Variants in SPAG6 observed in about 807,000 individuals in gnomAD.
SPAG6 encodes the protein sperm associated antigen 6.
SPAG6 carries 49 observed loss-of-function variants against 58.5 expected under a neutral mutation model. The observed-to-expected ratio is 0.84, with a 90% confidence interval of 0.67 to 1.06. The LOEUF is 1.06. Among genes scored for constraint, SPAG6 ranks in the 50% least tolerant of loss-of-function variants. The pLI is 0.00. For missense variants in SPAG6, 560 were observed against 611.3 expected (o/e 0.92, Z 0.89); for synonymous variants, 233 against 225.6 (o/e 1.03, Z -0.29).
At chr10:22,415,159 T>C (rs1588571093) in intron 10 of SPAG6, among the ~76,000 whole-genome samples, 1 of 152,058 alleles carries the variant, frequency 6.6e-6, no homozygotes, top group South Asian at 2.1e-4. Flanking sequence ...GTAATAACAA[T>C]TATTATTAAT....
chr10:22,360,254 A>C (rs967312644), intron 2 of SPAG6, among the ~76,000 whole-genome samples: 2 of 150,434 alleles, frequency 1.3e-5, no homozygotes, highest in Non-Finnish European at 3.0e-5. Context: ...TGAATGAATG[A>C]CTGTGGACAG....
Position 22,373,299 on chromosome 10 carries a change from C to T in SPAG6, c.472+4621C>T, listed in dbSNP as rs189167385. 1.6e-4 allele frequency among the ~76,000 whole-genome samples: 24 copies of T among 151,982 alleles called. No individual in the cohort carries two copies. The East Asian group carries it at 4.1e-3, about 26-fold the overall frequency. On this transcript the variant is annotated intron_variant, in intron 4 of 10. Coordinates refer to ENST00000376624, the MANE Select transcript of SPAG6 (RefSeq NM_012443.4). ...AAGGTCTCAAGATGAGCTGGCAGCC[C>T]GATTGTTTTCTATCTTGTATTGAAT...
intron 3 of SPAG6, among the ~76,000 whole-genome samples, chr10:22,366,645 T>C (rs1430178345): frequency 3.3e-5 from 5 of 152,200 alleles, no homozygotes; most frequent in Non-Finnish European, 7.4e-5. Flanking sequence ...AGAGAGTCAC[T>C]TACTAATGCT....
In SPAG6 at chr10:22,377,870, A is replaced by T. The variant is rs112684987; in HGVS notation, c.473-8884A>T. On this transcript the variant is annotated intron_variant, in intron 4 of 10. Coordinates refer to ENST00000376624, the MANE Select transcript of SPAG6 (RefSeq NM_012443.4). ...CAGATTGTGCTCCTTGAAGACAGGG[A>T]CTTCTTACCTAGCACTGGGCTGGAG... 1.5e-3 allele frequency among the ~76,000 whole-genome samples: 227 copies of T among 152,258 alleles called. 4 individuals are homozygous for T. The highest frequency in any genetic ancestry group is 4.9e-3 in the African/African-American group (202 of 41,544).
chr10:22,399,017 C>T (rs1022618228), intron 8 of SPAG6, among the ~76,000 whole-genome samples: 1 of 152,084 alleles, frequency 6.6e-6, no homozygotes, highest in Non-Finnish European at 1.5e-5. Context: ...CAGGGTTTCA[C>T]CGTGTTGTCT....
chr10:22,414,404 A>G (rs1288155665), intron 10 of SPAG6, among the ~76,000 whole-genome samples: 1 of 152,198 alleles, frequency 6.6e-6, no homozygotes, highest in African/African-American at 2.4e-5. Context: ...CTAAGAGCTC[A>G]GGCTTAGGTG....
intron 10 of SPAG6, among the ~76,000 whole-genome samples, chr10:22,415,157 A>G (rs975633292): frequency 2.0e-5 from 3 of 151,990 alleles, no homozygotes; most frequent in African/African-American, 7.2e-5. Context: ...TGGTAATAAC[A>G]ATTATTATTA....
chr10:22,372,291 A>T (rs1392701426), intron 4 of SPAG6, among the ~76,000 whole-genome samples: 1 of 152,232 alleles, frequency 6.6e-6, no homozygotes, highest in Non-Finnish European at 1.5e-5. Context: ...AGTTTTGTAC[A>T]TGGATATATA....
chr10:22,363,531 C>A (rs1034737545), intron 2 of SPAG6, among the ~76,000 whole-genome samples: 1 of 152,100 alleles, frequency 6.6e-6, no homozygotes, highest in African/African-American at 2.4e-5. Flanking sequence ...AACTTAGGCA[C>A]GAAACTAATG....
intron 8 of SPAG6, among the ~76,000 whole-genome samples, chr10:22,396,073 C>T (rs1834285300): frequency 6.6e-6 from 1 of 152,022 alleles, no homozygotes; most frequent in Non-Finnish European, 1.5e-5. Context: ...GGCAAAGGGG[C>T]AATAAGAATG....
intron 3 of SPAG6, among the ~76,000 whole-genome samples, chr10:22,368,188 C>T (rs971079421): frequency 7.9e-5 from 12 of 152,072 alleles, no homozygotes; most frequent in African/African-American, 1.4e-4. Flanking sequence ...CATAAAATCT[C>T]GTTATTTTAT....
intron 9 of SPAG6, among the ~76,000 whole-genome samples, chr10:22,402,814 C>A (rs1468457338): frequency 6.6e-6 from 1 of 152,004 alleles, no homozygotes; most frequent in African/African-American, 2.4e-5. Flanking sequence ...AGAAGGTGAC[C>A]AGCTAATTTG....
chr10:22,346,693 A>T (rs773480496), intron 2 of SPAG6, among the ~76,000 whole-genome samples: 2 of 152,142 alleles, frequency 1.3e-5, no homozygotes, highest in Non-Finnish European at 2.9e-5. Flanking sequence ...TGACAGCAAG[A>T]ATACTTAAGT....
intron 4 of SPAG6, among the ~76,000 whole-genome samples, chr10:22,377,899 G>C (rs1286956781): frequency 6.6e-6 from 1 of 152,118 alleles, no homozygotes; most frequent in East Asian, 1.9e-4. Flanking sequence ...GCTGGAGCAA[G>C]GAGTGAATAC....
chr10:22,373,285 A>G (rs1396201998), intron 4 of SPAG6, among the ~76,000 whole-genome samples: 3 of 152,214 alleles, frequency 2.0e-5, no homozygotes, highest in Non-Finnish European at 2.9e-5. Context: ...AGGTCTCAAG[A>G]TGAGCTGGCA....
At chr10:22,397,217 C>T (rs141837064) in intron 8 of SPAG6, among the ~76,000 whole-genome samples, 9 of 152,216 alleles carry the variant, frequency 5.9e-5, no homozygotes, top group East Asian at 1.9e-4. Context: ...CAGACACACA[C>T]ACACACGCAC....
At chr10:22,412,521 T>C (rs1032064848) in intron 10 of SPAG6, 6 of 1,468,960 alleles carry the variant, frequency 4.1e-6, no homozygotes, top group Middle Eastern at 1.8e-4. Context: ...AGAGTTCCAA[T>C]AGGTAAGCTT....
chr10:22,378,471 C>T (rs1833875546), intron 4 of SPAG6, among the ~76,000 whole-genome samples: 1 of 149,734 alleles, frequency 6.7e-6, no homozygotes, highest in Admixed American at 6.7e-5. Flanking sequence ...AGTGAAACCA[C>T]AACTATGGTT....
intron 2 of SPAG6, among the ~76,000 whole-genome samples, chr10:22,358,560 T>G (rs1174149981): frequency 6.6e-6 from 1 of 152,082 alleles, no homozygotes; most frequent in Non-Finnish European, 1.5e-5. Flanking sequence ...TAGTTTCTTT[T>G]GCTGTGCAGA....
Sources: gnomAD v4.1 joint callset for allele counts (sites outside exome capture counted in the v4.1 genomes callset) on GRCh38, gnomAD v4.1.1 for gene constraint, MANE v1.5 for transcripts, NCBI Gene and HGNC (gene_info 2026-07-23, HGNC 2026-07-21) for gene names.